The following DAAM2 variants were observed in gnomAD, a reference collection of about 807,000 sequenced individuals.
DAAM2 encodes the protein disheveled-associated activator of morphogenesis 2.
A neutral mutation model predicts 120.7 loss-of-function variants in DAAM2; 39 were observed. The observed-to-expected ratio is 0.32, with a 90% confidence interval of 0.25 to 0.42. The LOEUF (loss-of-function observed/expected upper bound fraction) is 0.42. Among genes scored for constraint, DAAM2 ranks in the 10% least tolerant of loss-of-function variants. The probability of loss-of-function intolerance (pLI) is 1.00; values close to 1 mark genes in which losing one functional copy is unlikely to be tolerated. For missense variants in DAAM2, 1,283 were observed against 1,401.7 expected (o/e 0.92, Z 1.35); for synonymous variants, 488 against 524.9 (o/e 0.93, Z 0.96).
chr6:39,897,888 T>C (rs1351455701), intron 21 of DAAM2, among the ~76,000 whole-genome samples: 1 of 152,178 alleles, frequency 6.6e-6, no homozygotes, highest in African/African-American at 2.4e-5. Flanking sequence ...GTTTATTGTG[T>C]TGACTGTATG....
intron 1 of DAAM2, among the ~76,000 whole-genome samples, chr6:39,803,313 C>A (rs568388135): frequency 6.6e-6 from 1 of 152,180 alleles, no homozygotes; most frequent in East Asian, 1.9e-4. Context: ...GATGAAGAAG[C>A]TGTTCCAACT....
intron 2 of DAAM2, 83 bp from the exon 3 acceptor site, chr6:39,860,845 G>A: frequency 9.2e-7 from 1 of 1,081,136 alleles, no homozygotes; most frequent in Non-Finnish European, 1.4e-6. Context: ...TGATTTGGGG[G>A]AATTGTAATT....
intron 1 of DAAM2, among the ~76,000 whole-genome samples, chr6:39,811,369 T>C (rs1275759654): frequency 6.6e-6 from 1 of 152,166 alleles, no homozygotes. Flanking sequence ...TAAACCCTTA[T>C]TGTTGTAACT....
intron 1 of DAAM2, among the ~76,000 whole-genome samples, chr6:39,853,716 A>C (rs998500103): frequency 6.6e-6 from 1 of 152,198 alleles, no homozygotes; most frequent in Non-Finnish European, 1.5e-5. Context: ...AAGAGGGGTC[A>C]CAGGTTCTCC....
rs913901849 is a variant in DAAM2, at chr6:39,796,383, C to T, written c.-57+3918C>T. ...CAACTTCTCTTGAGATGGCCCAGAG[C>T]GGGGGTCAGTGAATTCCTCACTCTT... On this transcript the variant is annotated intron_variant, in intron 1 of 24. Coordinates refer to ENST00000274867, the MANE Select transcript of DAAM2 (RefSeq NM_001201427.2). 2.6e-5 allele frequency among the ~76,000 whole-genome samples: 4 copies of T among 152,172 alleles called. No homozygotes were observed. In the East Asian group the frequency reaches 5.8e-4, roughly 22 times the overall value.
At chr6:39,793,398 C>T (rs1363040955) in intron 1 of DAAM2, among the ~76,000 whole-genome samples, 11 of 151,836 alleles carry the variant, frequency 7.2e-5, no homozygotes. Flanking sequence ...AGATTTTTAT[C>T]AAAATTGAAC....
rs761373847 is a variant in DAAM2, at chr6:39,856,326, C to A, written c.24C>A (p.His8Gln). 6.5e-7 allele frequency: 1 copy of A among 1,548,284 alleles called. No homozygotes were observed. The highest frequency in any genetic ancestry group is 8.7e-7 in the Non-Finnish European group (1 of 1,147,512). ...CCATGGCCCCCCGCAAGAGGAGCCA[C>A]CATGGCCTGGGCTTCCTGTGCTGCT... MAPRKRSHHGLGFLCCFG... is the reference protein window; with the variant it reads MAPRKRSQHGLGFLCCFG... Residue 8 changes from histidine (H) to glutamine (Q), a missense_variant, in exon 2 of 25, where the codon CAC becomes CAA. By Grantham distance (24) the His-to-Gln change is conservative. Coordinates refer to ENST00000274867, the MANE Select transcript of DAAM2 (RefSeq NM_001201427.2).
At chr6:39,840,347 T>G (rs550968902) in intron 1 of DAAM2, among the ~76,000 whole-genome samples, 1 of 152,372 alleles carries the variant, frequency 6.6e-6, no homozygotes, top group African/African-American at 2.4e-5. Flanking sequence ...GAACATTGGT[T>G]TCCTTAAAAT....
At chr6:39,870,261 T>G (rs539385292) in intron 7 of DAAM2, 79 bp from the exon 8 acceptor site, 109 of 813,992 alleles carry the variant, frequency 1.3e-4, no homozygotes. Flanking sequence ...GTGGCTAGGG[T>G]GGTGATGAGG....
chr6:39,805,056 C>T (rs1332730598), intron 1 of DAAM2, among the ~76,000 whole-genome samples: 1 of 152,018 alleles, frequency 6.6e-6, no homozygotes, highest in Non-Finnish European at 1.5e-5. Context: ...CCTCCAAGGC[C>T]CTAAGGATTT....
intron 1 of DAAM2, among the ~76,000 whole-genome samples, chr6:39,828,570 C>CTTT (rs1430820441): frequency 8.4e-5 from 12 of 142,590 alleles, no homozygotes; most frequent in Middle Eastern, 3.7e-3. Context: ...CCCCCTCCGT[C>CTTT]TTTTTTTTTT....
intron 1 of DAAM2, among the ~76,000 whole-genome samples, chr6:39,832,053 G>A (rs181539455): frequency 2.0e-3 from 298 of 148,718 alleles, no homozygotes; most frequent in African/African-American, 6.8e-3. Flanking sequence ...TACACTGCGG[G>A]GACAGGTGTA....
rs1416246725 is a variant in DAAM2 at position 39,902,210 on chromosome 6, A to C, written c.*173A>C. The stretch of plus-strand genomic sequence containing the variant: ...CAGGTGTCTCCCCACGCTTACCTTA[A>C]GGGGCTCCTCTTATCTCCCCTTCAC... On this transcript the variant is annotated 3_prime_UTR_variant, in exon 25 of 25. Coordinates refer to ENST00000274867, the MANE Select transcript of DAAM2 (RefSeq NM_001201427.2). The C allele has an allele frequency of 8.1e-6, 4 of 495,660 alleles. No individual in the cohort carries two copies. The East Asian group carries it at 1.3e-4, about 16-fold the overall frequency. 30.7% of individuals were successfully genotyped at this position (495,660 alleles called of 1,614,324 possible). A position where few individuals can be genotyped will look rare whatever the true frequency, so the allele number is the denominator to read the frequency against.
intron 1 of DAAM2, among the ~76,000 whole-genome samples, chr6:39,809,862 A>G (rs1176394548): frequency 6.6e-6 from 1 of 152,178 alleles, no homozygotes; most frequent in Admixed American, 6.5e-5. Context: ...TTTTTCTTAC[A>G]CAACCAGTTC....
At chr6:39,870,583 G>T (rs557124617) in intron 8 of DAAM2, 140 bp downstream of exon 8, 32 of 647,708 alleles carry the variant, frequency 4.9e-5, no homozygotes, top group Admixed American at 1.2e-4. Context: ...TCAGCTCTGT[G>T]GGGGGAAGGG....
chr6:39,894,901 G>A (rs567317112), intron 19 of DAAM2, among the ~76,000 whole-genome samples: 1 of 152,162 alleles, frequency 6.6e-6, no homozygotes, highest in Admixed American at 6.5e-5. Context: ...TTGTAGGCAT[G>A]AGCTACCATG....
chr6:39,900,033 C>T, intron 22 of DAAM2, 44 bp from the exon 23 acceptor site: 2 of 1,578,580 alleles, frequency 1.3e-6, no homozygotes, highest in Non-Finnish European at 8.6e-7. Context: ...ACCCGACTCT[C>T]ATCTTGGCAC....
chr6:39,875,461 G>A lies in DAAM2; in HGVS notation c.1294G>A (p.Val432Ile), dbSNP rs757546813. The change falls in exon 11 of 25, where the codon GTC (valine) becomes ATC (isoleucine). Residue 432 changes from valine to isoleucine, a missense_variant. Physicochemically the swap from Val to Ile is conservative, Grantham distance 29. This residue lies in a region of DAAM2 where 338 missense variants were observed against 443.9 expected (regional missense o/e 0.76). Coordinates refer to ENST00000274867, the MANE Select transcript of DAAM2 (RefSeq NM_001201427.2). ...GGAGAACTTCAATGTCAAGAACATC[G>A]TCAACATGTGAGCAGTGGCCAGCCT... ...PLENFNVKNI[V>I]NMLINENEVK... 4.6e-5 allele frequency: 74 copies of A among 1,613,196 alleles called. No individual in the cohort carries two copies. The highest frequency in any genetic ancestry group is 1.1e-4 in the African/African-American group (8 of 74,878).
At chr6:39,841,266 G>T (rs13212203) in intron 1 of DAAM2, among the ~76,000 whole-genome samples, 1 of 92,308 alleles carries the variant, frequency 1.1e-5, no homozygotes, top group Non-Finnish European at 2.0e-5. Flanking sequence ...GAGGGGCTCC[G>T]GGGGGAGGGG....
Sources: allele counts gnomAD v4.1 joint callset (sites outside exome capture counted in the v4.1 genomes callset), GRCh38; gene constraint gnomAD v4.1.1; regional missense constraint gnomAD v4.1.1; transcripts MANE v1.5; gene names NCBI Gene and HGNC (gene_info 2026-07-23, HGNC 2026-07-21).